MON2: variants seen among roughly 807,000 people sequenced by gnomAD.
MON2 encodes protein MON2 homolog.
Under a neutral mutation model 208.6 loss-of-function variants are expected in MON2, and 84 were observed. That is an observed-to-expected ratio of 0.40 (90% CI 0.34 to 0.48). MON2 has a LOEUF of 0.48. Ranked by LOEUF, MON2 falls within the 20% of genes least tolerant of loss-of-function variation. MON2 has a pLI of 0.59. For synonymous variants in MON2, 660 were observed against 694.0 expected (o/e 0.95, Z 0.77); for missense variants, 1,611 against 2,015.4 (o/e 0.80, Z 3.84).
At chr12:62,500,128 T>C (rs967735311) in intron 5 of MON2, among the ~76,000 whole-genome samples, 1 of 152,122 alleles carries the variant, frequency 6.6e-6, no homozygotes, top group East Asian at 1.9e-4. Context: ...GGAGTGGTAG[T>C]TTTAGTTGTT....
chr12:62,528,424 TTG>T (rs1348878473), intron 11 of MON2, among the ~76,000 whole-genome samples: 1 of 152,196 alleles, frequency 6.6e-6, no homozygotes, highest in Admixed American at 6.5e-5. Context: ...AAAGTTGGAC[TTG>T]TGACAGTTTT....
chr12:62,481,093 G>A (rs1369968083), intron 1 of MON2, among the ~76,000 whole-genome samples: 2 of 152,078 alleles, frequency 1.3e-5, no homozygotes, highest in Non-Finnish European at 2.9e-5. Flanking sequence ...CATCTTCAAG[G>A]TATATCGAGA....
intron 8 of MON2, among the ~76,000 whole-genome samples, chr12:62,523,669 A>G (rs906177024): frequency 2.6e-5 from 4 of 152,188 alleles, no homozygotes; most frequent in African/African-American, 9.6e-5. Context: ...CTTGTCTCAC[A>G]TTATGGTTCA....
At chr12:62,477,169 G>A (rs1397800999) in intron 1 of MON2, among the ~76,000 whole-genome samples, 2 of 152,048 alleles carry the variant, frequency 1.3e-5, no homozygotes, top group African/African-American at 4.8e-5. Flanking sequence ...TTACACTACT[G>A]TTGATAGAGT....
chr12:62,526,494 G>C (rs1235821239), intron 11 of MON2, among the ~76,000 whole-genome samples: 2 of 151,860 alleles, frequency 1.3e-5, no homozygotes, highest in African/African-American at 4.8e-5. Flanking sequence ...TATACAATGG[G>C]AGTAGTGATA....
At chr12:62,513,637 G>C (rs527963698) in intron 8 of MON2, among the ~76,000 whole-genome samples, 134 of 152,096 alleles carry the variant, frequency 8.8e-4, no homozygotes, top group Non-Finnish European at 1.6e-3. Flanking sequence ...CCTCTTGAAT[G>C]CTTTGCTGCT....
At chr12:62,579,524 C>A (rs2074924701) in intron 31 of MON2, among the ~76,000 whole-genome samples, 1 of 150,634 alleles carries the variant, frequency 6.6e-6, no homozygotes, top group South Asian at 2.1e-4. Context: ...GAGATTGAGA[C>A]CATCCTGGTT....
Position 62,495,038 on chromosome 12 carries a change from A to C in MON2, c.326A>C (p.Asn109Thr). The change falls in exon 4 of 35, where the codon AAC (asparagine) becomes ACC (threonine). Residue 109 changes from asparagine to threonine, a missense_variant. Transcript: ENST00000393630. The part of the protein sequence containing the change: ...VSETAAGNII[N>T]MLWQLMENSL... The stretch of plus-strand genomic sequence containing the variant: ...CAGACTGCAGCTGGAAATATAATTA[A>C]CATGCTTTGGCAGCTAATGGAGAAT... 2 of 1,608,668 alleles carry C rather than the reference A, an allele frequency of 1.2e-6. No individual in the cohort carries two copies. Among genetic ancestry groups the C allele is most frequent in the Non-Finnish European group, 1.7e-6 (2 of 1,176,420 alleles).
intron 10 of MON2, 45 bp downstream of exon 10, chr12:62,525,265 T>G: frequency 6.3e-7 from 1 of 1,598,892 alleles, no homozygotes; most frequent in East Asian, 2.2e-5. Context: ...CTGCCGTAAG[T>G]TACAGTATTG....
At chr12:62,525,638 T>A (rs2072291460) in intron 10 of MON2, among the ~76,000 whole-genome samples, 1 of 152,180 alleles carries the variant, frequency 6.6e-6, no homozygotes, top group African/African-American at 2.4e-5. Context: ...TCTTCCACTT[T>A]GTACTGAGTG....
intron 1 of MON2, among the ~76,000 whole-genome samples, chr12:62,473,074 T>G (rs1424418851): frequency 6.6e-6 from 1 of 152,236 alleles, no homozygotes; most frequent in African/African-American, 2.4e-5. Context: ...CTGTTACTGT[T>G]ATAATTTAAC....
At chr12:62,554,044 C>T (rs1055646751) in intron 24 of MON2, among the ~76,000 whole-genome samples, 1 of 152,184 alleles carries the variant, frequency 6.6e-6, no homozygotes, top group African/African-American at 2.4e-5. Context: ...CTCTTTCCTT[C>T]TGTCTTGTAT....
At chr12:62,486,481 C>T (rs908862377) in intron 2 of MON2, among the ~76,000 whole-genome samples, 6 of 151,964 alleles carry the variant, frequency 3.9e-5, no homozygotes, top group Non-Finnish European at 8.8e-5. Flanking sequence ...TTTTAATCTT[C>T]GTAGTATCCA....
In MON2 at chr12:62,550,689, G is replaced by A. The variant is rs537750293; in HGVS notation, c.2916+859G>A. Among the ~76,000 whole-genome samples the A allele has an allele frequency of 5.3e-5, 8 of 152,262 alleles. No homozygotes were observed. In the South Asian group the frequency reaches 8.3e-4, roughly 16 times the overall value. The stretch of plus-strand genomic sequence containing the variant: ...TGTACTTGTAGGTTATGGTGATAAC[G>A]TCTTTTCTTAAACCTCATGAACTAG... On this transcript the variant is annotated intron_variant, in intron 23 of 34. Transcript: ENST00000393630.
At chr12:62,480,376 T>C (rs533385580) in intron 1 of MON2, among the ~76,000 whole-genome samples, 6 of 152,104 alleles carry the variant, frequency 3.9e-5, no homozygotes, top group African/African-American at 1.4e-4. Context: ...CTAGACAGCA[T>C]AGGGAGACCC....
chr12:62,585,923 T>A (rs1360288158), intron 33 of MON2, among the ~76,000 whole-genome samples: 3 of 152,184 alleles, frequency 2.0e-5, no homozygotes, highest in African/African-American at 7.2e-5. Flanking sequence ...ATTTGCAGGT[T>A]TCTCTCTGTG....
At chr12:62,549,304 T>C (rs1275203069) in intron 22 of MON2, among the ~76,000 whole-genome samples, 2 of 152,072 alleles carry the variant, frequency 1.3e-5, no homozygotes, top group Admixed American at 1.3e-4. Flanking sequence ...GTAAGATATG[T>C]ATTTTTACAC....
chr12:62,469,976 C>T (rs1052884746), intron 1 of MON2, among the ~76,000 whole-genome samples: 2 of 151,664 alleles, frequency 1.3e-5, no homozygotes, highest in Non-Finnish European at 2.9e-5. Context: ...AGGATCTTGG[C>T]TCACTGCAGC....
intron 26 of MON2, among the ~76,000 whole-genome samples, chr12:62,563,835 TTTG>T (rs1009838301): frequency 5.9e-5 from 9 of 152,092 alleles, no homozygotes; most frequent in African/African-American, 1.9e-4. Flanking sequence ...ACATAGGTTT[TTTG>T]TTGTTGTTAG....
Sources: allele counts gnomAD v4.1 joint callset (sites outside exome capture counted in the v4.1 genomes callset), GRCh38; gene constraint gnomAD v4.1.1; transcripts MANE v1.5; gene names NCBI Gene and HGNC (gene_info 2026-07-23, HGNC 2026-07-21).